The following HLCS variants were observed in gnomAD, a reference collection of about 807,000 sequenced individuals.
HLCS encodes the protein biotin--protein ligase.
A neutral mutation model predicts 75.0 loss-of-function variants in HLCS; 53 were observed. The ratio of observed to expected loss-of-function variants is 0.71; its 90% CI spans 0.57 to 0.89. The LOEUF (loss-of-function observed/expected upper bound fraction) is 0.89, where lower values mean the gene tolerates loss of function less well. HLCS is among the 40% of genes least tolerant of loss of function. The pLI, the probability that HLCS is intolerant of heterozygous loss-of-function variation, is 0.00. For missense variants in HLCS, 966 were observed against 1,074.0 expected (o/e 0.90, Z 1.41); for synonymous variants, 431 against 428.6 (o/e 1.01, Z -0.07).
At chr21:36,801,166 T>G (rs2061187593) in intron 6 of HLCS, among the ~76,000 whole-genome samples, 1 of 152,160 alleles carries the variant, frequency 6.6e-6, no homozygotes, top group Non-Finnish European at 1.5e-5. Context: ...ACCAGACTGG[T>G]CAATCACTGG....
intron 6 of HLCS, among the ~76,000 whole-genome samples, chr21:36,881,419 A>T (rs1253743344): frequency 2.6e-5 from 4 of 152,192 alleles, no homozygotes; most frequent in African/African-American, 9.7e-5. Flanking sequence ...TTCCAGAAGG[A>T]AACTCCAATT....
At chr21:36,894,894 A>G (rs1184021692) in intron 6 of HLCS, among the ~76,000 whole-genome samples, 1 of 151,834 alleles carries the variant, frequency 6.6e-6, no homozygotes, top group African/African-American at 2.4e-5. Flanking sequence ...CCTGATATCC[A>G]AGAATATTAA....
upstream of HLCS, among the ~76,000 whole-genome samples, chr21:36,967,210 A>T (rs1368375549): frequency 6.6e-6 from 1 of 152,158 alleles, no homozygotes; most frequent in Non-Finnish European, 1.5e-5. Flanking sequence ...CACAGCCGCT[A>T]CCCAGTCGAC....
rs1044779786 is a variant in HLCS at position 36,777,403 on chromosome 21, G to A, written c.1893-10118C>T. 5.9e-5 allele frequency among the ~76,000 whole-genome samples: 9 copies of A among 152,220 alleles called. No individual in the cohort carries two copies. In the South Asian group the frequency reaches 1.0e-3, roughly 17 times the overall value. On this transcript the variant is annotated intron_variant, in intron 6 of 10. Coordinates refer to ENST00000674895, the MANE Select transcript of HLCS (RefSeq NM_001352514.2). ...AACATGCTTAGCTCTCATGCGGCACGAAAACTGGCAGCAGGCCAGACTCGG... is the reference window on the plus strand; with the variant it reads ...AACATGCTTAGCTCTCATGCGGCACAAAAACTGGCAGCAGGCCAGACTCGG...
chr21:36,924,245 G>A (rs1159109368), intron 5 of HLCS, among the ~76,000 whole-genome samples: 1 of 152,168 alleles, frequency 6.6e-6, no homozygotes, highest in East Asian at 1.9e-4. Context: ...TTTTAGTGGA[G>A]AATTCTAATT....
At chr21:36,967,599 C>T (rs1387813214), upstream of HLCS, among the ~76,000 whole-genome samples, 2 of 152,258 alleles carry the variant, frequency 1.3e-5, no homozygotes, top group African/African-American at 2.4e-5. Flanking sequence ...TTCTGAACAG[C>T]TGCGAAGCAC....
At chr21:36,919,921 T>G (rs1029853117) in intron 5 of HLCS, among the ~76,000 whole-genome samples, 4 of 152,198 alleles carry the variant, frequency 2.6e-5, no homozygotes, top group Non-Finnish European at 4.4e-5. Flanking sequence ...AAATTTTTTT[T>G]AGTCTACTTG....
At chr21:36,856,169 G>T (rs2063186768) in intron 6 of HLCS, among the ~76,000 whole-genome samples, 3 of 152,154 alleles carry the variant, frequency 2.0e-5, no homozygotes, top group Non-Finnish European at 4.4e-5. Context: ...ATACAAGTGA[G>T]AATATAATTT....
chr21:36,767,294 G>A lies in HLCS; in HGVS notation c.1893-9C>T. On this transcript the variant is annotated splice_polypyrimidine_tract_variant and intron_variant, in intron 6 of 10. Transcript: ENST00000674895. ...GTGTCTGAAACATCAGCCTGCCGAAGAGGGGGAAAGACCGGTTAGGCCAGA... is the reference window on the plus strand; with the variant it reads ...GTGTCTGAAACATCAGCCTGCCGAAAAGGGGGAAAGACCGGTTAGGCCAGA... 6.2e-7 allele frequency: 1 copy of A among 1,614,100 alleles called. No homozygotes were observed. Among genetic ancestry groups the A allele is most frequent in the Non-Finnish European group, 8.5e-7 (1 of 1,179,948 alleles).
At chr21:36,840,469 T>A (rs144863531) in intron 6 of HLCS, among the ~76,000 whole-genome samples, 5 of 152,266 alleles carry the variant, frequency 3.3e-5, no homozygotes, top group Non-Finnish European at 7.4e-5. Context: ...TTGGACCTCT[T>A]ATAGTGAAAT....
chr21:36,879,263 T>C (rs2064112174), intron 6 of HLCS, among the ~76,000 whole-genome samples: 1 of 152,226 alleles, frequency 6.6e-6, no homozygotes, highest in South Asian at 2.1e-4. Flanking sequence ...AAAAGAAAGA[T>C]TGTAATGGGG....
chr21:36,974,809 CT>C (rs1264383991), intron 1 of HLCS: 1 of 152,232 alleles, frequency 6.6e-6, no homozygotes, highest in Non-Finnish European at 1.5e-5. Flanking sequence ...CCGCCCACAC[CT>C]TCATCTTGGA....
intron 1 of HLCS, among the ~76,000 whole-genome samples, chr21:36,984,119 A>C (rs946191644): frequency 1.3e-5 from 2 of 152,168 alleles, no homozygotes; most frequent in African/African-American, 4.8e-5. Flanking sequence ...AATCATATAC[A>C]TAAGCCACCA....
chr21:36,822,592 T>G (rs2061880168), intron 6 of HLCS, among the ~76,000 whole-genome samples: 1 of 152,242 alleles, frequency 6.6e-6, no homozygotes, highest in African/African-American at 2.4e-5. Context: ...TCTTTCATGA[T>G]GGGCTTAGCA....
chr21:36,807,085 A>C (rs1028726489), intron 6 of HLCS, among the ~76,000 whole-genome samples: 1 of 152,208 alleles, frequency 6.6e-6, no homozygotes, highest in Non-Finnish European at 1.5e-5. Flanking sequence ...AGCAAGACAG[A>C]AGTCACCCAG....
rs568446227 is a variant in HLCS at position 36,911,080 on chromosome 21, A to G, written c.1621-13949T>C. Among the ~76,000 whole-genome samples the G allele has an allele frequency of 1.6e-4, 25 of 152,334 alleles. 1 individual carries two copies. In the South Asian group the frequency reaches 5.2e-3, roughly 32 times the overall value. On this transcript the variant is annotated intron_variant, in intron 5 of 10. Coordinates refer to ENST00000674895, the MANE Select transcript of HLCS (RefSeq NM_001352514.2). ...TAGCCCACATTTTGAACCAGCTGCAACACTTAAAAATTGAGATATTTCATA... is the reference window on the plus strand; with the variant it reads ...TAGCCCACATTTTGAACCAGCTGCAGCACTTAAAAATTGAGATATTTCATA...
intron 6 of HLCS, among the ~76,000 whole-genome samples, chr21:36,851,089 C>G (rs1357277427): frequency 1.3e-5 from 2 of 152,054 alleles, no homozygotes; most frequent in Non-Finnish European, 2.9e-5. Context: ...CATGGAAAAA[C>G]AAAAAGGTTA....
intron 6 of HLCS, among the ~76,000 whole-genome samples, chr21:36,868,435 G>A (rs2063649159): frequency 6.6e-6 from 1 of 152,026 alleles, no homozygotes; most frequent in Non-Finnish European, 1.5e-5. Context: ...TGGGATTAGG[G>A]AAAACTTTAG....
chr21:36,843,947 G>GC (rs1163694234), intron 6 of HLCS, among the ~76,000 whole-genome samples: 2 of 152,006 alleles, frequency 1.3e-5, no homozygotes, highest in Non-Finnish European at 2.9e-5. Flanking sequence ...GATTGAGGCT[G>GC]CAGTGAGCCA....
Sources: allele counts gnomAD v4.1 joint callset (sites outside exome capture counted in the v4.1 genomes callset), GRCh38; gene constraint gnomAD v4.1.1; transcripts MANE v1.5; gene names NCBI Gene and HGNC (gene_info 2026-07-23, HGNC 2026-07-21).